The following PDGFB variants were observed in gnomAD, a reference collection of about 807,000 sequenced individuals.
PDGFB encodes platelet-derived growth factor subunit B.
A neutral mutation model predicts 29.0 loss-of-function variants in PDGFB; 6 were observed. The ratio of observed to expected loss-of-function variants is 0.21; its 90% CI spans 0.11 to 0.41. The LOEUF (loss-of-function observed/expected upper bound fraction) is 0.41. Ranked by LOEUF, PDGFB falls within the 10% of genes least tolerant of loss-of-function variation. The pLI, the probability that PDGFB is intolerant of heterozygous loss-of-function variation, is 1.00. For synonymous variants in PDGFB, 144 were observed against 140.8 expected (o/e 1.02, Z -0.16); for missense variants, 299 against 341.8 (o/e 0.87, Z 0.99).
intron 4 of PDGFB, among the ~76,000 whole-genome samples, chr22:39,230,801 G>A (rs1304316512): frequency 6.6e-6 from 1 of 152,252 alleles, no homozygotes; most frequent in Admixed American, 6.5e-5. Flanking sequence ...AGAAGGAAGT[G>A]CGGCTAAGCA....
At chr22:39,227,228 G>A (rs1023481503) in intron 5 of PDGFB, among the ~76,000 whole-genome samples, 8 of 151,780 alleles carry the variant, frequency 5.3e-5, no homozygotes, top group East Asian at 1.9e-4. Context: ...CAAAGTGCTG[G>A]GATTACAGGC....
chr22:39,232,287 A>C (rs531996562), intron 3 of PDGFB, among the ~76,000 whole-genome samples: 21 of 152,322 alleles, frequency 1.4e-4, no homozygotes, highest in African/African-American at 5.1e-4. Flanking sequence ...TGCTGCTTTC[A>C]AAGCCTCAGC....
intron 5 of PDGFB, among the ~76,000 whole-genome samples, chr22:39,226,976 T>C (rs867125417): frequency 3.3e-5 from 5 of 152,368 alleles, no homozygotes; most frequent in African/African-American, 9.6e-5. Flanking sequence ...TATTTGTTTT[T>C]AAGATGGAGG....
chr22:39,231,429 C>T lies in PDGFB; in HGVS notation c.456+193G>A, dbSNP rs1164025772. Among the ~76,000 whole-genome samples, 1 of 152,198 alleles carries T rather than the reference C, an allele frequency of 6.6e-6. No homozygotes were observed. The highest frequency in any genetic ancestry group is 6.5e-5 in the Admixed American group (1 of 15,294). Reference sequence around the variant, plus strand: ...TGAGCCACCTCAGAGGACTCATGGTCGGCCTCAGTCCACCTGCCTAGGAAG... The same window carrying T: ...TGAGCCACCTCAGAGGACTCATGGTTGGCCTCAGTCCACCTGCCTAGGAAG... On this transcript the variant is annotated intron_variant, in intron 4 of 6. Coordinates refer to ENST00000331163, the MANE Select transcript of PDGFB (RefSeq NM_002608.4). This position sits in a 1 kb window ranked among gnomAD's most constrained non-coding sequence, Gnocchi z 4.3.
chr22:39,224,047 C>T lies in PDGFB; in HGVS notation c.*1295G>A, dbSNP rs1427374953. 6.6e-6 allele frequency: 1 copy of T among 152,278 alleles called. No homozygotes were observed. The highest frequency in any genetic ancestry group is 1.5e-5 in the Non-Finnish European group (1 of 68,068). 9.4% of individuals were successfully genotyped at this position (152,278 alleles called of 1,614,324 possible). On this transcript the variant is annotated 3_prime_UTR_variant, in exon 7 of 7. Transcript: ENST00000331163. ...CTGCACCCTCCCTTGGAGACCTTCT[C>T]CCAGGTGTCCCACACCCACCTGGAA... is the stretch of plus-strand genomic sequence containing the variant.
intron 2 of PDGFB, among the ~76,000 whole-genome samples, chr22:39,233,980 G>A (rs991006514): frequency 1.6e-4 from 21 of 132,142 alleles, no homozygotes; most frequent in African/African-American, 3.5e-4. Context: ...CTGGAGCCCC[G>A]GACAATGGCC....
In PDGFB at chr22:39,233,437, AG is replaced by A; in HGVS notation, c.247del (p.Leu83TrpfsTer4). Reference sequence around the variant, plus strand: ...CTTGTTGGGTGTCTCAGTCTTACCCAGGCTCCTTCTTCCACGAGCCAAGCTC... The same window carrying A: ...CTTGTTGGGTGTCTCAGTCTTACCCAGCTCCTTCTTCCACGAGCCAAGCTC... Reference protein sequence around the residue: ...LESLARGRRSLGSLTIAEPAM... With the variant: ...LESLARGRRSXGSLTIAEPAM... On this transcript the variant is annotated frameshift_variant, in exon 3 of 7. Coordinates refer to ENST00000331163, the MANE Select transcript of PDGFB (RefSeq NM_002608.4). LOFTEE classifies it high-confidence loss of function. 1 of 1,594,574 alleles carries A rather than the reference AG, an allele frequency of 6.3e-7. No homozygotes were observed. The highest frequency in any genetic ancestry group is 8.5e-7 in the Non-Finnish European group (1 of 1,170,826).
intron 1 of PDGFB, among the ~76,000 whole-genome samples, chr22:39,240,472 CAG>C (rs1292512220): frequency 6.6e-6 from 1 of 151,788 alleles, no homozygotes; most frequent in Non-Finnish European, 1.5e-5. Flanking sequence ...AGTCCCAAGA[CAG>C]AGGAGAGACA....
chr22:39,230,276 G>A, intron 4 of PDGFB, 48 bp from the exon 5 acceptor site: 2 of 1,604,710 alleles, frequency 1.2e-6, no homozygotes, highest in Non-Finnish European at 1.7e-6. Flanking sequence ...ACACAGCCAG[G>A]AGCCCGGGAA....
intron 2 of PDGFB, among the ~76,000 whole-genome samples, chr22:39,234,622 C>T (rs190893079): frequency 1.1e-3 from 163 of 152,364 alleles, no homozygotes; most frequent in African/African-American, 3.9e-3. Flanking sequence ...CCTACGTCAA[C>T]GAGCCTATCT....
In PDGFB at chr22:39,242,275, G is replaced by C. The variant is rs1477114224; in HGVS notation, c.63+1626C>G. 5.0e-6 allele frequency: 1 copy of C among 201,840 alleles called. No individual in the cohort carries two copies. The highest frequency in any genetic ancestry group is 7.6e-5 in the East Asian group (1 of 13,124). The allele number at this position is 201,840 out of a possible 1,614,324, so 12.5% of individuals were successfully genotyped here. On this transcript the variant is annotated intron_variant, in intron 1 of 6. Coordinates refer to ENST00000331163, the MANE Select transcript of PDGFB (RefSeq NM_002608.4). The surrounding 1 kb of genome is among the most constrained non-coding windows in gnomAD (Gnocchi z 5.7). ...CCGCCGGAGCGCAGCATCGCCTCCG[G>C]CCAGGAGTGTGCATGCGTGGGGTGA...
At chr22:39,236,898 G>A (rs533896130) in intron 1 of PDGFB, among the ~76,000 whole-genome samples, 63 of 152,272 alleles carry the variant, frequency 4.1e-4, no homozygotes, top group African/African-American at 1.4e-3. Flanking sequence ...CGGGCTGCAC[G>A]GTCTGGACAG....
chr22:39,231,654 G>A lies in PDGFB; in HGVS notation c.424C>T (p.Arg142Cys), dbSNP rs758929255. Residue 142 changes from arginine to cysteine, a missense_variant, in exon 4 of 7, where the codon CGC (arginine) becomes TGC (cysteine). Transcript: ENST00000331163. This position sits in a 1 kb window ranked among gnomAD's most constrained non-coding sequence, Gnocchi z 4.3. ...GCCNNRNVQCRPTQVQLRPVQ... is the reference protein window; with the variant it reads ...GCCNNRNVQCCPTQVQLRPVQ... ...GGTCGCAGCTGCACCTGGGTGGGGC[G>A]GCACTGCACGTTGCGGTTGTTGCAG... The A allele has an allele frequency of 1.3e-5, 20 of 1,582,820 alleles. No homozygotes were observed. The South Asian group carries it at 1.5e-4, about 12-fold the overall frequency.
chr22:39,241,245 G>A (rs1008273919), intron 1 of PDGFB: 10 of 430,330 alleles, frequency 2.3e-5, no homozygotes, highest in African/African-American at 5.9e-5. Context: ...CCTGCCTCAC[G>A]GCTGCCTGCC....
Position 39,243,817 on chromosome 22 carries a change from A to G in PDGFB, c.63+84T>C. The G allele has an allele frequency of 8.8e-7, 1 of 1,133,606 alleles. No homozygotes were observed. The highest frequency in any genetic ancestry group is 1.4e-5 in the South Asian group (1 of 69,744). 70.2% of individuals were successfully genotyped at this position (1,133,606 alleles called of 1,614,324 possible). ...CGCGGGCTGCAAGGGTCCAAAGTTC[A>G]CTGCAGGGAGAGGAGGGGGCGGTCA... is the stretch of plus-strand genomic sequence containing the variant. On this transcript the variant is annotated intron_variant, in intron 1 of 6. Transcript: ENST00000331163. The surrounding 1 kb of genome is among the most constrained non-coding windows in gnomAD (Gnocchi z 6.4).
chr22:39,244,829 G>C lies in PDGFB; in HGVS notation c.-866C>G, dbSNP rs1404794739. On this transcript the variant is annotated 5_prime_UTR_variant, in exon 1 of 7. Transcript: ENST00000331163. This position sits in a 1 kb window ranked among gnomAD's most constrained non-coding sequence, Gnocchi z 4.5. ...TTTTTTTTTTTTTTCCTTTTTGCGC[G>C]CGTATGTATGTGTGTGCGCGCAAAG... The C allele has an allele frequency of 5.3e-6, 1 of 187,348 alleles. No individual in the cohort carries two copies. Among genetic ancestry groups the C allele is most frequent in the African/African-American group, 2.4e-5 (1 of 41,504 alleles). 11.6% of individuals were successfully genotyped at this position (187,348 alleles called of 1,614,324 possible). A position where few individuals can be genotyped will look rare whatever the true frequency, so the allele number is the denominator to read the frequency against.
intron 5 of PDGFB, among the ~76,000 whole-genome samples, chr22:39,227,015 G>C (rs538352887): frequency 6.6e-6 from 1 of 152,370 alleles, no homozygotes; most frequent in Non-Finnish European, 1.5e-5. Flanking sequence ...TTGGAGTGCA[G>C]TGGCGCGATC....
chr22:39,241,703 C>G (rs1347215467), intron 1 of PDGFB, among the ~76,000 whole-genome samples: 1 of 152,280 alleles, frequency 6.6e-6, no homozygotes, highest in South Asian at 2.1e-4. Context: ...ATGCAACAGC[C>G]AGGGGTGGGA....
intron 5 of PDGFB, among the ~76,000 whole-genome samples, chr22:39,227,758 G>A (rs1932202241): frequency 6.6e-6 from 1 of 152,180 alleles, no homozygotes; most frequent in African/African-American, 2.4e-5. Flanking sequence ...TGTGTCTGCT[G>A]AGCTCAAGGC....
Sources: gnomAD v4.1 joint callset for allele counts (sites outside exome capture counted in the v4.1 genomes callset) on GRCh38, gnomAD v4.1.1 for gene constraint, Gnocchi (gnomAD v3.1) non-coding constraint, MANE v1.5 for transcripts, NCBI Gene and HGNC (gene_info 2026-07-23, HGNC 2026-07-21) for gene names.